CHL1: variants seen among roughly 807,000 people sequenced by gnomAD.
CHL1 encodes cell adhesion molecule L1 like, also known as neural cell adhesion molecule L1-like protein.
CHL1 carries 96 observed loss-of-function variants against 141.9 expected under a neutral mutation model. The observed-to-expected ratio is 0.68, with a 90% CI of 0.57 to 0.80. CHL1 has a LOEUF of 0.80. Among genes scored for constraint, CHL1 ranks in the 30% least tolerant of loss-of-function variants. The pLI is 0.00. For synonymous variants in CHL1, 613 were observed against 502.2 expected (o/e 1.22, Z -2.95); for missense variants, 1,820 against 1,457.2 (o/e 1.25, Z -4.05).
chr3:395,643 G>A (rs1345891564), intron 24 of CHL1, among the ~76,000 whole-genome samples: 2 of 152,226 alleles, frequency 1.3e-5, no homozygotes, highest in East Asian at 3.8e-4. Context: ...AGAAAAGAAG[G>A]ATGTAGAAGA....
At chr3:376,565 C>G (rs1323400185) in intron 15 of CHL1, among the ~76,000 whole-genome samples, 1 of 152,202 alleles carries the variant, frequency 6.6e-6, no homozygotes, top group Non-Finnish European at 1.5e-5. Context: ...TGGTAGCTTT[C>G]TTCTCTGGCC....
chr3:379,395 G>A (rs1706745809), intron 16 of CHL1, among the ~76,000 whole-genome samples: 1 of 152,104 alleles, frequency 6.6e-6, no homozygotes, highest in South Asian at 2.1e-4. Flanking sequence ...GGGTATTTGA[G>A]CATTTTCAGG....
At chr3:357,851 G>A (rs897598630) in intron 11 of CHL1, among the ~76,000 whole-genome samples, 2 of 152,104 alleles carry the variant, frequency 1.3e-5, no homozygotes, top group Admixed American at 6.5e-5. Flanking sequence ...TGGATCAGAC[G>A]GGATAAGGAG....
chr3:328,094 T>G (rs756945144), intron 4 of CHL1, 73 bp from the exon 5 acceptor site: 137 of 1,154,892 alleles, frequency 1.2e-4, no homozygotes, highest in Non-Finnish European at 1.6e-4. Flanking sequence ...GTCAATTTTA[T>G]GCAATTGTTA....
chr3:306,314 GAATAC>G (rs1699224500), intron 2 of CHL1, among the ~76,000 whole-genome samples: 2 of 152,210 alleles, frequency 1.3e-5, no homozygotes, highest in South Asian at 4.1e-4. Context: ...GGCTTGAATA[GAATAC>G]GTTTGCTTTT....
intron 3 of CHL1, among the ~76,000 whole-genome samples, chr3:324,532 T>G (rs897185812): frequency 6.6e-5 from 10 of 152,060 alleles, no homozygotes; most frequent in African/African-American, 2.2e-4. Context: ...CATTAGTAAA[T>G]TTATTTTATA....
At chr3:228,478 T>TACACAC (rs4003420) in intron 1 of CHL1, among the ~76,000 whole-genome samples, 66 of 150,246 alleles carry the variant, frequency 4.4e-4, no homozygotes, top group South Asian at 4.2e-3. Context: ...TAAATATGTG[T>TACACAC]ACACACACAC....
At chr3:270,234 C>CA (rs35868098) in intron 2 of CHL1, among the ~76,000 whole-genome samples, 37,798 of 151,604 alleles carry the variant, frequency 0.25, 4,846 homozygotes, top group Middle Eastern at 0.32. Flanking sequence ...GAGAATTTGG[C>CA]AAAAAATAGT....
intron 1 of CHL1, among the ~76,000 whole-genome samples, chr3:224,438 T>C (rs557585680): frequency 6.8e-4 from 104 of 152,262 alleles, no homozygotes; most frequent in Non-Finnish European, 9.7e-4. Flanking sequence ...GTTTGGGTCA[T>C]GGGAACAGAT....
intron 4 of CHL1, among the ~76,000 whole-genome samples, chr3:327,336 A>G (rs1006024852): frequency 1.6e-4 from 24 of 151,976 alleles, no homozygotes; most frequent in Non-Finnish European, 3.2e-4. Flanking sequence ...TGTCTATCAG[A>G]CTGATAAAGA....
chr3:290,902 C>T (rs534852760), intron 2 of CHL1, among the ~76,000 whole-genome samples: 1 of 148,354 alleles, frequency 6.7e-6, no homozygotes, highest in African/African-American at 2.5e-5. Context: ...TACCACTGCA[C>T]TCCAGCTTGG....
chr3:401,743 G>C, intron 27 of CHL1, 45 bp downstream of exon 27: 1 of 1,137,278 alleles, frequency 8.8e-7, no homozygotes. Flanking sequence ...TATTCATCAT[G>C]TTGAAAGCTT....
intron 24 of CHL1, among the ~76,000 whole-genome samples, chr3:396,820 T>G (rs1403817766): frequency 6.6e-6 from 1 of 152,002 alleles, no homozygotes; most frequent in Non-Finnish European, 1.5e-5. Flanking sequence ...AAAATTACAA[T>G]CTCTTTTTCT....
At chr3:246,999 CT>C (rs756301753) in intron 2 of CHL1, 5 of 151,840 alleles carry the variant, frequency 3.3e-5, no homozygotes, top group Non-Finnish European at 7.4e-5. Flanking sequence ...CACACTGCAT[CT>C]CATACTGATT....
At chr3:394,926 T>G in intron 24 of CHL1, 54 bp downstream of exon 24, 2 of 1,402,168 alleles carry the variant, frequency 1.4e-6, no homozygotes, top group Non-Finnish European at 1.9e-6. Context: ...AGACTGCATC[T>G]TTTTAAACAG....
chr3:229,015 C>G (rs2125028716), intron 1 of CHL1, among the ~76,000 whole-genome samples: 1 of 152,252 alleles, frequency 6.6e-6, no homozygotes, highest in East Asian at 1.9e-4. Flanking sequence ...TAATAGTTAT[C>G]AGCAGCCCTG....
intron 19 of CHL1, among the ~76,000 whole-genome samples, chr3:388,107 C>T (rs566432211): frequency 2.0e-5 from 3 of 152,286 alleles, no homozygotes; most frequent in African/African-American, 4.8e-5. Context: ...GTATTTTAAA[C>T]TTATTTTATA....
At chr3:328,572 A>G (rs961790408) in intron 5 of CHL1, 10 of 391,450 alleles carry the variant, frequency 2.6e-5, no homozygotes, top group African/African-American at 1.9e-4. Context: ...GTAACCTTAT[A>G]TCTAACATGG....
chr3:349,854 A>G (rs1265210285), intron 10 of CHL1, among the ~76,000 whole-genome samples: 1 of 152,244 alleles, frequency 6.6e-6, no homozygotes, highest in East Asian at 1.9e-4. Flanking sequence ...ACACATATAC[A>G]TTTCATAATA....
Sources: gnomAD v4.1 joint callset for allele counts (sites outside exome capture counted in the v4.1 genomes callset) on GRCh38, gnomAD v4.1.1 for gene constraint, MANE v1.5 for transcripts, NCBI Gene and HGNC (gene_info 2026-07-23, HGNC 2026-07-21) for gene names.